RBFOX1: variants seen among roughly 807,000 people sequenced by gnomAD.
RBFOX1 encodes RNA binding fox-1 homolog 1.
In RBFOX1, 8 loss-of-function variants were observed where a neutral mutation model predicts 57.7. That is an observed-to-expected ratio of 0.14 (90% CI 0.08 to 0.25). RBFOX1 has a LOEUF of 0.25. Among genes scored for constraint, RBFOX1 ranks in the 10% least tolerant of loss-of-function variants. RBFOX1 has a pLI of 1.00. For synonymous variants in RBFOX1, 326 were observed against 222.4 expected, an observed-to-expected ratio of 1.47 and a Z score of -4.15; for missense variants, 611 against 548.5, an observed-to-expected ratio of 1.11 and a Z score of -1.14.
At chr16:6,653,397 C>G (rs569958108) in intron 2 of RBFOX1, among the ~76,000 whole-genome samples, 5 of 152,286 alleles carry the variant, frequency 3.3e-5, no homozygotes, top group Admixed American at 3.3e-4. Context: ...ATGCCTAGTG[C>G]AAGGTCTAGC....
intron 3 of RBFOX1, among the ~76,000 whole-genome samples, chr16:5,854,002 T>G (rs2056962683): frequency 6.6e-6 from 1 of 152,260 alleles, no homozygotes; most frequent in Non-Finnish European, 1.5e-5. Flanking sequence ...TTTGATCATA[T>G]AATATCAGCT....
At chr16:7,372,797 G>T (rs2097592794) in intron 4 of RBFOX1, among the ~76,000 whole-genome samples, 2 of 151,978 alleles carry the variant, frequency 1.3e-5, no homozygotes, top group South Asian at 2.1e-4. Context: ...GGAAGAGAAG[G>T]AGGAAAAGAG....
chr16:6,483,219 G>A (rs1307031493), intron 2 of RBFOX1: 8 of 1,216,450 alleles, frequency 6.6e-6, no homozygotes, highest in African/African-American at 6.4e-5. Context: ...CGGGGAAGCC[G>A]GACCCGGGCC....
chr16:5,566,833 T>C (rs904803961), intron 2 of RBFOX1, among the ~76,000 whole-genome samples: 2 of 152,102 alleles, frequency 1.3e-5, no homozygotes, highest in African/African-American at 4.8e-5. Context: ...CCGCATCGAC[T>C]CACTCCCTTG....
intron 3 of RBFOX1, among the ~76,000 whole-genome samples, chr16:7,044,328 G>A (rs533876454): frequency 2.0e-5 from 3 of 152,260 alleles, no homozygotes; most frequent in East Asian, 3.9e-4. Flanking sequence ...CTGATGTGTG[G>A]GAGAGAAAAA....
intron 1 of RBFOX1, among the ~76,000 whole-genome samples, chr16:5,398,542 G>T (rs1210230035): frequency 6.6e-6 from 1 of 151,834 alleles, no homozygotes; most frequent in Non-Finnish European, 1.5e-5. Context: ...ATGTTTACAT[G>T]CACGAGTTCG....
chr16:5,386,714 A>G (rs546163099), intron 1 of RBFOX1, among the ~76,000 whole-genome samples: 15 of 152,186 alleles, frequency 9.9e-5, no homozygotes, highest in Admixed American at 3.9e-4. Flanking sequence ...TGATTCCCCC[A>G]GCAGGAGTTG....
chr16:6,909,798 C>T (rs1481178800), intron 3 of RBFOX1, among the ~76,000 whole-genome samples: 3 of 152,084 alleles, frequency 2.0e-5, no homozygotes, highest in African/African-American at 7.2e-5. Flanking sequence ...TACCTGCAGC[C>T]ATCGGTCTTC....
At chr16:5,352,211 G>T (rs773482573) in intron 1 of RBFOX1, among the ~76,000 whole-genome samples, 5 of 152,104 alleles carry the variant, frequency 3.3e-5, no homozygotes, top group Non-Finnish European at 7.3e-5. Context: ...TCCTCCGAAC[G>T]CTGTGTGCCT....
At chr16:7,453,109 A>T (rs2057713310) in intron 4 of RBFOX1, among the ~76,000 whole-genome samples, 1 of 147,826 alleles carries the variant, frequency 6.8e-6, no homozygotes, top group South Asian at 2.2e-4. Context: ...AGGCTGGATG[A>T]CAGAGAGAGG....
At chr16:6,040,655 T>G (rs762381559) in intron 1 of RBFOX1, among the ~76,000 whole-genome samples, 6 of 152,102 alleles carry the variant, frequency 3.9e-5, no homozygotes, top group Admixed American at 1.3e-4. Context: ...AGTGCTGTGG[T>G]GCAGTCTTGA....
intron 1 of RBFOX1, among the ~76,000 whole-genome samples, chr16:6,299,077 A>G (rs2078482626): frequency 6.6e-6 from 1 of 152,162 alleles, no homozygotes; most frequent in African/African-American, 2.4e-5. Flanking sequence ...GCCAATTGCA[A>G]CCCACAGTCT....
In RBFOX1 at chr16:7,292,283, TATATC is replaced by T. The variant is rs1202658072; in HGVS notation, c.28-225859_28-225855del. ...ATGATATAGAACGTATTATATATCATATATCATATATGATATATGATATATGACGT... is the reference window on the plus strand; with the variant it reads ...ATGATATAGAACGTATTATATATCATATATATGATATATGATATATGACGT... On this transcript the variant is annotated intron_variant, in intron 4 of 15. Transcript: ENST00000550418. Among the ~76,000 whole-genome samples, 158 of 130,976 alleles carry T rather than the reference TATATC, an allele frequency of 1.2e-3. 4 individuals carry two copies. Among genetic ancestry groups the T allele is most frequent in the East Asian group, 2.5e-3 (12 of 4,772 alleles). 85.9% of individuals were successfully genotyped at this position (130,976 alleles called of 152,430 possible). A position where few individuals can be genotyped will look rare whatever the true frequency, so the allele number is the denominator to read the frequency against.
rs1567355465 is a variant in RBFOX1 at position 6,060,122 on chromosome 16, G to GTTTTTTGTTTTTTTTTTTTTTTTTT, written c.-127+40136_-127+40137insGTTTTTTTTTTTTTTTTTTTTTTTT. On this transcript the variant is annotated intron_variant, in intron 1 of 15. Transcript: ENST00000550418. ...ATTTGGCCCTAAAATTAGGATTAGG[G>GTTTTTTGTTTTTTTTTTTTTTTTTT]TTTTTTTTTTTTTTTTTTTTTTTTT... 1.2e-3 allele frequency among the ~76,000 whole-genome samples: 132 copies of GTTTTTTGTTTTTTTTTTTTTTTTTT among 114,198 alleles called. 6 individuals carry two copies. The highest frequency in any genetic ancestry group is 6.6e-3 in the East Asian group (25 of 3,786). 74.9% of individuals were successfully genotyped at this position (114,198 alleles called of 152,430 possible). A position where few individuals can be genotyped will look rare whatever the true frequency, so the allele number is the denominator to read the frequency against.
chr16:6,233,191 C>G (rs746564116), intron 1 of RBFOX1, among the ~76,000 whole-genome samples: 1 of 152,132 alleles, frequency 6.6e-6, no homozygotes, highest in African/African-American at 2.4e-5. Context: ...GGAATTTATT[C>G]TGAATTCACT....
intron 2 of RBFOX1, among the ~76,000 whole-genome samples, chr16:5,482,682 A>T (rs2069586927): frequency 6.6e-6 from 1 of 152,310 alleles, no homozygotes. Context: ...CATGAGGCAG[A>T]GAATGGGGGT....
At chr16:7,139,971 C>G (rs899977201) in intron 4 of RBFOX1, among the ~76,000 whole-genome samples, 2 of 152,146 alleles carry the variant, frequency 1.3e-5, no homozygotes, top group African/African-American at 4.8e-5. Context: ...TAGTTGCTGA[C>G]TTGATATCCA....
intron 14 of RBFOX1, among the ~76,000 whole-genome samples, chr16:7,688,142 C>G (rs977399209): frequency 2.6e-5 from 4 of 151,738 alleles, no homozygotes; most frequent in African/African-American, 9.7e-5. Context: ...CCTGGGGCAT[C>G]TTGGCTGCCA....
intron 3 of RBFOX1, among the ~76,000 whole-genome samples, chr16:7,022,263 G>C (rs998769371): frequency 2.0e-5 from 3 of 150,900 alleles, no homozygotes; most frequent in Non-Finnish European, 4.4e-5. Flanking sequence ...ATGTTGGCCA[G>C]GTTCGTCTTG....
Sources: allele counts gnomAD v4.1 joint callset (sites outside exome capture counted in the v4.1 genomes callset), GRCh38; gene constraint gnomAD v4.1.1; transcripts MANE v1.5; gene names NCBI Gene and HGNC (gene_info 2026-07-23, HGNC 2026-07-21).